The following USP48 variants were observed in gnomAD, a reference collection of about 807,000 sequenced individuals.
USP48 encodes ubiquitin carboxyl-terminal hydrolase 48.
Under a neutral mutation model 150.7 loss-of-function variants are expected in USP48, and 43 were observed. The ratio of observed to expected loss-of-function variants is 0.29; its 90% CI spans 0.22 to 0.37. USP48 has a LOEUF of 0.37. Among genes scored for constraint, USP48 ranks in the 10% least tolerant of loss-of-function variants. The pLI is 1.00. For synonymous variants in USP48, 396 were observed against 425.9 expected, an observed-to-expected ratio of 0.93 and a Z score of 0.86; for missense variants, 813 against 1,249.6, an observed-to-expected ratio of 0.65 and a Z score of 5.27.
intron 8 of USP48, among the ~76,000 whole-genome samples, chr1:21,746,632 CA>C (rs1383060345): frequency 6.6e-6 from 1 of 152,030 alleles, no homozygotes; most frequent in African/African-American, 2.4e-5. Flanking sequence ...TCAGTAGTTG[CA>C]GATATGAAAA....
At chr1:21,729,640 C>T (rs1314036153) in intron 10 of USP48, 64 bp downstream of exon 10, 2 of 1,562,902 alleles carry the variant, frequency 1.3e-6, no homozygotes, top group African/African-American at 1.4e-5. Flanking sequence ...CATTACTTAT[C>T]ATTAATCTTT....
chr1:21,691,210 A>G lies in USP48; in HGVS notation c.2884-1111T>C, dbSNP rs1004355035. Among the ~76,000 whole-genome samples the G allele has an allele frequency of 2.0e-5, 3 of 149,454 alleles. No individual in the cohort carries two copies. The East Asian group carries it at 6.1e-4, about 30-fold the overall frequency. ...ATGCCTGTAATCTCAGCTACTCGGG[A>G]GGCTGAGGCCAGAGAATTGCTTGAA... On this transcript the variant is annotated intron_variant, in intron 23 of 26. Coordinates refer to ENST00000308271, the MANE Select transcript of USP48 (RefSeq NM_032236.8).
At chr1:21,726,145 A>G (rs1052436507) in intron 11 of USP48, among the ~76,000 whole-genome samples, 3 of 152,262 alleles carry the variant, frequency 2.0e-5, no homozygotes, top group African/African-American at 7.2e-5. Context: ...TGTTATTGCT[A>G]ACTGAAAGAA....
intron 8 of USP48, among the ~76,000 whole-genome samples, chr1:21,740,116 G>C (rs1354537520): frequency 6.6e-6 from 1 of 152,154 alleles, no homozygotes; most frequent in African/African-American, 2.4e-5. Context: ...TCTCCATGTT[G>C]GTCAGGCTGG....
intron 15 of USP48, among the ~76,000 whole-genome samples, chr1:21,708,487 ACT>A (rs1459395497): frequency 2.0e-5 from 3 of 151,576 alleles, no homozygotes; most frequent in Non-Finnish European, 4.4e-5. Context: ...GAGGAGCAAG[ACT>A]CTGTCTCAAA....
Position 21,679,218 on chromosome 1 carries a change from T to A in USP48, c.*199A>T. The stretch of plus-strand genomic sequence containing the variant: ...TAAATATAAAATTGGAAACATTTCC[T>A]TCAAGTCTGATGTCCATCAGTGCAA... On this transcript the variant is annotated 3_prime_UTR_variant, in exon 27 of 27. Coordinates refer to ENST00000308271, the MANE Select transcript of USP48 (RefSeq NM_032236.8). 8.2e-6 allele frequency: 3 copies of A among 363,916 alleles called. No homozygotes were observed. Among genetic ancestry groups the A allele is most frequent in the Non-Finnish European group, 1.6e-5 (3 of 189,828 alleles). The allele number at this position is 363,916 out of a possible 1,614,324, so 22.5% of individuals were successfully genotyped here.
At chr1:21,747,486 C>T (rs1011782877) in intron 7 of USP48, among the ~76,000 whole-genome samples, 5 of 151,978 alleles carry the variant, frequency 3.3e-5, no homozygotes, top group Admixed American at 1.3e-4. Flanking sequence ...ATTCCCATGG[C>T]GGGGGTGTAA....
At chr1:21,718,231 A>C (rs1332151414) in intron 14 of USP48, among the ~76,000 whole-genome samples, 1 of 152,226 alleles carries the variant, frequency 6.6e-6, no homozygotes, top group Non-Finnish European at 1.5e-5. Context: ...GATAAACATA[A>C]TGGATCCACA....
chr1:21,766,361 A>C (rs961135431), intron 1 of USP48, among the ~76,000 whole-genome samples: 1 of 152,110 alleles, frequency 6.6e-6, no homozygotes, highest in African/African-American at 2.4e-5. Flanking sequence ...ACACAGCACA[A>C]AAAAAAACAA....
chr1:21,710,048 A>G (rs1276337399), intron 15 of USP48, among the ~76,000 whole-genome samples: 2 of 152,200 alleles, frequency 1.3e-5, no homozygotes, highest in African/African-American at 4.8e-5. Flanking sequence ...AATATTGTCT[A>G]TGACCTCAAA....
chr1:21,680,028 G>C (rs554496658), intron 26 of USP48, among the ~76,000 whole-genome samples: 22 of 152,122 alleles, frequency 1.4e-4, no homozygotes, highest in African/African-American at 4.6e-4. Flanking sequence ...TTTTTGCTTT[G>C]TTTTGACCCC....
intron 9 of USP48, among the ~76,000 whole-genome samples, chr1:21,734,687 AATG>A (rs1334064472): frequency 4.6e-5 from 7 of 152,214 alleles, no homozygotes; most frequent in Admixed American, 2.0e-4. Flanking sequence ...TTTCTTGTGA[AATG>A]ATATGACCAC....
chr1:21,754,153 T>TC (rs1433089159), intron 3 of USP48, among the ~76,000 whole-genome samples: 1 of 151,320 alleles, frequency 6.6e-6, no homozygotes, highest in Admixed American at 6.6e-5. Context: ...AGAGTGAGAC[T>TC]CCATCTGGGA....
At chr1:21,745,383 G>A (rs1452172411) in intron 8 of USP48, among the ~76,000 whole-genome samples, 1 of 151,702 alleles carries the variant, frequency 6.6e-6, no homozygotes, top group South Asian at 2.1e-4. Context: ...GAAGTAGGAG[G>A]ATCACTAGAG....
intron 1 of USP48, among the ~76,000 whole-genome samples, chr1:21,780,738 A>ATT (rs34071636): frequency 0.021 from 2,482 of 117,402 alleles, 123 homozygotes; most frequent in African/African-American, 0.062. Flanking sequence ...AGATAAGATA[A>ATT]TTTTTTTTTT....
At chr1:21,780,446 T>A (rs1243505948) in intron 1 of USP48, among the ~76,000 whole-genome samples, 1 of 152,106 alleles carries the variant, frequency 6.6e-6, no homozygotes, top group African/African-American at 2.4e-5. Context: ...TTTAGGATAA[T>A]GAAAAGTTCT....
At chr1:21,715,999 T>C (rs1238599014) in intron 14 of USP48, among the ~76,000 whole-genome samples, 1 of 152,202 alleles carries the variant, frequency 6.6e-6, no homozygotes, top group African/African-American at 2.4e-5. Flanking sequence ...GTTCATGTCT[T>C]CCACCCACAA....
At position 21,783,099 on chromosome 1, in the gene USP48, G is replaced by A. The variant is rs2097918718; in HGVS notation, c.-142C>T. On this transcript the variant is annotated 5_prime_UTR_variant, in exon 1 of 27. Transcript: ENST00000308271. The stretch of plus-strand genomic sequence containing the variant: ...GGCAGCTGGCCAGTCAATCACCTGT[G>A]CGCGCCACTGCCGCCGCGCCCGCCC... The A allele has an allele frequency of 4.1e-6, 5 of 1,227,384 alleles. No homozygotes were observed. The highest frequency in any genetic ancestry group is 3.2e-5 in the African/African-American group (2 of 62,744). 76.0% of individuals were successfully genotyped at this position (1,227,384 alleles called of 1,614,324 possible).
chr1:21,694,844 C>T (rs2097621295), intron 23 of USP48, among the ~76,000 whole-genome samples: 1 of 152,048 alleles, frequency 6.6e-6, no homozygotes, highest in African/African-American at 2.4e-5. Flanking sequence ...TAAGTGGTTC[C>T]CAGCGTTTCT....
Sources: gnomAD v4.1 joint callset for allele counts (sites outside exome capture counted in the v4.1 genomes callset) on GRCh38, gnomAD v4.1.1 for gene constraint, MANE v1.5 for transcripts, NCBI Gene and HGNC (gene_info 2026-07-23, HGNC 2026-07-21) for gene names.